Variants in CDNF observed in about 807,000 individuals in gnomAD.
The protein encoded by CDNF is ARMET-like protein 1.
Under a neutral mutation model 14.8 loss-of-function variants are expected in CDNF, and 9 were observed. The ratio of observed to expected loss-of-function variants is 0.61; its 90% CI spans 0.37 to 1.06. The LOEUF (loss-of-function observed/expected upper bound fraction) is 1.06, where lower values mean the gene tolerates loss of function less well. CDNF is among the 50% of genes least tolerant of loss of function. The pLI, the probability that CDNF is intolerant of heterozygous loss-of-function variation, is 0.01. For synonymous variants in CDNF, 86 were observed against 87.2 expected (o/e 0.99, Z 0.07); for missense variants, 228 against 228.4 (o/e 1.00, Z 0.01).
At chr10:14,828,449 C>A (rs568915937) in intron 1 of CDNF, among the ~76,000 whole-genome samples, 177 bp from the exon 2 acceptor site, 4 of 151,496 alleles carry the variant, frequency 2.6e-5, no homozygotes, top group African/African-American at 7.3e-5. Context: ...GATATCGAGA[C>A]CATCCCGGCC....
At chr10:14,832,223 AG>A (rs1833849767) in intron 1 of CDNF, among the ~76,000 whole-genome samples, 1 of 152,212 alleles carries the variant, frequency 6.6e-6, no homozygotes, top group Admixed American at 6.5e-5. Context: ...GGATGACTTG[AG>A]GAAGAACTCC....
chr10:14,832,607 G>A (rs1257564845), intron 1 of CDNF, among the ~76,000 whole-genome samples: 2 of 152,186 alleles, frequency 1.3e-5, no homozygotes, highest in Non-Finnish European at 2.9e-5. Flanking sequence ...TTAGACCAGG[G>A]CAGTAGCTAC....
intron 1 of CDNF, among the ~76,000 whole-genome samples, chr10:14,829,927 G>A (rs756051679): frequency 6.6e-6 from 1 of 151,990 alleles, no homozygotes; most frequent in African/African-American, 2.4e-5. Flanking sequence ...CAGGCCCAGA[G>A]TACGTTTCTA....
chr10:14,826,473 G>A (rs942577952), intron 2 of CDNF, among the ~76,000 whole-genome samples: 13 of 140,204 alleles, frequency 9.3e-5, no homozygotes, highest in African/African-American at 1.5e-4. Flanking sequence ...AGAAGCAGAA[G>A]AAGAAGAAAA....
At chr10:14,820,464 T>C (rs151183248) in intron 3 of CDNF, among the ~76,000 whole-genome samples, 2,198 of 152,158 alleles carry the variant, frequency 0.014, 62 homozygotes, top group African/African-American at 0.049. Context: ...CGGTGGCTCA[T>C]GCCTGTAATC....
intron 1 of CDNF, among the ~76,000 whole-genome samples, chr10:14,836,612 C>A (rs1437708121): frequency 6.6e-6 from 1 of 152,150 alleles, no homozygotes; most frequent in Non-Finnish European, 1.5e-5. Context: ...TATTGCAGAG[C>A]TCATAGAAAG....
intron 3 of CDNF, among the ~76,000 whole-genome samples, chr10:14,823,438 C>T (rs1383851126): frequency 6.6e-6 from 1 of 152,022 alleles, no homozygotes; most frequent in African/African-American, 2.4e-5. Flanking sequence ...CTGTAAGATC[C>T]CTAGGATATA....
intron 1 of CDNF, among the ~76,000 whole-genome samples, chr10:14,833,026 A>AT (rs1226774001): frequency 6.0e-5 from 9 of 151,134 alleles, no homozygotes; most frequent in Non-Finnish European, 2.9e-5. Flanking sequence ...CACCTAGCTA[A>AT]TTTTTGTATT....
At chr10:14,836,865 G>T (rs1315969701) in intron 1 of CDNF, among the ~76,000 whole-genome samples, 1 of 152,184 alleles carries the variant, frequency 6.6e-6, no homozygotes, top group Non-Finnish European at 1.5e-5. Flanking sequence ...CGATGATGGA[G>T]GCTGCAGTGA....
chr10:14,827,356 G>C (rs1391072834), intron 2 of CDNF, among the ~76,000 whole-genome samples: 1 of 152,036 alleles, frequency 6.6e-6, no homozygotes, highest in African/African-American at 2.4e-5. Flanking sequence ...AAAAGGAATT[G>C]GCCCCAAATT....
At chr10:14,825,246 G>A (rs919902478) in intron 3 of CDNF, among the ~76,000 whole-genome samples, 9 of 152,108 alleles carry the variant, frequency 5.9e-5, no homozygotes, top group Non-Finnish European at 1.0e-4. Context: ...CTGAGCCACC[G>A]CGCCAGGCCT....
Position 14,820,165 on chromosome 10 carries a change from G to A in CDNF, c.386-7C>T. 6.2e-7 allele frequency: 1 copy of A among 1,601,270 alleles called. No homozygotes were observed. The highest frequency in any genetic ancestry group is 1.8e-5 in the Admixed American group (1 of 56,000). On this transcript the variant is annotated splice_region_variant and splice_polypyrimidine_tract_variant and intron_variant, in intron 3 of 3. Transcript: ENST00000465530. The stretch of plus-strand genomic sequence containing the variant: ...GCCAAGTCCAGTGTTTTTTCTAAAT[G>A]GCAAAAAGGAAAAAAGCCAATTACA...
At chr10:14,834,611 T>C (rs1229661738) in intron 1 of CDNF, among the ~76,000 whole-genome samples, 1 of 152,202 alleles carries the variant, frequency 6.6e-6, no homozygotes, top group Non-Finnish European at 1.5e-5. Flanking sequence ...ACAGCATATA[T>C]GCATACATTT....
intron 1 of CDNF, among the ~76,000 whole-genome samples, chr10:14,835,225 G>C (rs2131628983): frequency 6.6e-6 from 1 of 152,314 alleles, no homozygotes; most frequent in East Asian, 1.9e-4. Flanking sequence ...TATAAGGTTA[G>C]AGATTTATTA....
intron 2 of CDNF, among the ~76,000 whole-genome samples, chr10:14,826,951 C>T (rs1483482310): frequency 2.0e-5 from 3 of 148,608 alleles, no homozygotes; most frequent in East Asian, 4.0e-4. Flanking sequence ...CACAGTGGCT[C>T]ACACCTGTAA....
At chr10:14,831,394 AT>A (rs140092902) in intron 1 of CDNF, among the ~76,000 whole-genome samples, 9,010 of 151,328 alleles carry the variant, frequency 0.06, 906 homozygotes, top group African/African-American at 0.21. Flanking sequence ...TCACATTTTT[AT>A]TTTATCCAGT....
rs1417726300 is a variant in CDNF, at chr10:14,820,015, T to C, written c.529A>G (p.Lys177Glu). 2 of 1,614,054 alleles carry C rather than the reference T, an allele frequency of 1.2e-6. No homozygotes were observed. The highest frequency in any genetic ancestry group is 8.5e-7 in the Non-Finnish European group (1 of 1,180,018). The change falls in exon 4 of 4, where the codon AAG (lysine) becomes GAG (glutamate). Residue 177 changes from lysine (K) to glutamate (E), a missense_variant. Physicochemically the swap from Lys to Glu is moderately conservative, Grantham distance 56. Coordinates refer to ENST00000465530, the MANE Select transcript of CDNF (RefSeq NM_001029954.3). Reference protein sequence around the residue: ...YVNLIQELAPKYAATHPKTEL With the variant: ...YVNLIQELAPEYAATHPKTEL ...GTTTTGGGGTGTGTCGCTGCATACT[T>C]GGGGGCCAGCTCTTGAATGAGATTC... is the stretch of plus-strand genomic sequence containing the variant.
chr10:14,834,511 T>C (rs1282505872), intron 1 of CDNF, among the ~76,000 whole-genome samples: 5 of 152,192 alleles, frequency 3.3e-5, no homozygotes, highest in East Asian at 3.8e-4. Flanking sequence ...ACTCTGCCAA[T>C]GTATCATCTA....
chr10:14,833,239 A>C (rs2131628049), intron 1 of CDNF, among the ~76,000 whole-genome samples: 1 of 152,298 alleles, frequency 6.6e-6, no homozygotes, highest in South Asian at 2.1e-4. Context: ...TGATGAAATT[A>C]ACACTTAAAT....
Sources: allele counts gnomAD v4.1 joint callset (sites outside exome capture counted in the v4.1 genomes callset), GRCh38; gene constraint gnomAD v4.1.1; transcripts MANE v1.5; gene names NCBI Gene and HGNC (gene_info 2026-07-23, HGNC 2026-07-21).